Variants in FARSA observed in about 807,000 individuals in gnomAD.
FARSA encodes phenylalanyl-tRNA synthetase subunit alpha.
FARSA carries 37 observed loss-of-function variants against 63.2 expected under a neutral mutation model. The observed-to-expected ratio is 0.59, with a 90% CI of 0.45 to 0.77. The LOEUF (loss-of-function observed/expected upper bound fraction) is 0.77, where lower values mean the gene tolerates loss of function less well. Ranked by LOEUF, FARSA falls within the 30% of genes least tolerant of loss-of-function variation. The pLI is 0.00. For missense variants in FARSA, 618 were observed against 696.6 expected (o/e 0.89, Z 1.27); for synonymous variants, 312 against 285.1 (o/e 1.09, Z -0.95).
intron 12 of FARSA, 150 bp from the exon 13 acceptor site, chr19:12,923,036 C>G: frequency 1.0e-6 from 1 of 967,190 alleles, no homozygotes; most frequent in South Asian, 1.5e-5. Flanking sequence ...CACCTCTCAC[C>G]CTCCGCCTTC....
intron 1 of FARSA, among the ~76,000 whole-genome samples, chr19:12,932,646 A>C (rs541089680): frequency 2.2e-4 from 33 of 152,322 alleles, no homozygotes; most frequent in Non-Finnish European, 4.0e-4. Context: ...TGGATTGGAC[A>C]AACAAGCTGA....
intron 1 of FARSA, among the ~76,000 whole-genome samples, chr19:12,931,349 T>TGCCTCCC (rs1216378005): frequency 6.6e-6 from 1 of 152,036 alleles, no homozygotes; most frequent in African/African-American, 2.4e-5. Context: ...CTGCAACCTC[T>TGCCTCCC]GCCTCCCGGG....
In FARSA at chr19:12,924,453, G is replaced by T; in HGVS notation, c.1269C>A (p.His423Gln). The T allele has an allele frequency of 6.2e-7, 1 of 1,613,224 alleles. No individual in the cohort carries two copies. ...AGTACCAGGGCCTACCCTGACCTTG[G>T]TGGTAGCTGAACACCTCCATGCTGG... ...TEPSMEVFSY[H>Q]QGLKKWVEVG... Residue 423 changes from histidine to glutamine, a missense_variant, in exon 11 of 13, where the codon CAC (histidine) becomes CAA (glutamine). His to Gln is a conservative substitution (Grantham distance 24). Transcript: ENST00000314606. The surrounding 1 kb of genome is among the most constrained non-coding windows in gnomAD (Gnocchi z 6.4).
chr19:12,930,981 G>T (rs1033486138), intron 1 of FARSA, among the ~76,000 whole-genome samples: 2 of 152,108 alleles, frequency 1.3e-5, no homozygotes, highest in Non-Finnish European at 2.9e-5. Context: ...CACCTCCCAG[G>T]GTAAAGTACA....
At chr19:12,926,871 C>T (rs1971333173) in intron 7 of FARSA, among the ~76,000 whole-genome samples, 1 of 152,204 alleles carries the variant, frequency 6.6e-6, no homozygotes, top group African/African-American at 2.4e-5. Flanking sequence ...AAAGGGGTAA[C>T]AGTACTGCTT....
intron 1 of FARSA, among the ~76,000 whole-genome samples, chr19:12,931,356 C>T (rs1022588807): frequency 3.3e-5 from 5 of 152,058 alleles, no homozygotes; most frequent in African/African-American, 7.2e-5. Flanking sequence ...CTCTGCCTCC[C>T]GGGTTCAAAT....
rs1000614335 is a variant in FARSA at position 12,931,303 on chromosome 19, G to A, written c.148-554C>T. 4.6e-5 allele frequency among the ~76,000 whole-genome samples: 7 copies of A among 151,674 alleles called. No individual in the cohort carries two copies. The South Asian group carries it at 6.3e-4, about 14-fold the overall frequency. ...TTTTGAGACGGAGTCTTGCACTGTC[G>A]CTCAGGCTAGAGTGCAATGGTGCGA... On this transcript the variant is annotated intron_variant, in intron 1 of 12. Transcript: ENST00000314606.
intron 4 of FARSA, among the ~76,000 whole-genome samples, chr19:12,929,790 T>G (rs1971369448): frequency 6.6e-6 from 1 of 152,172 alleles, no homozygotes; most frequent in South Asian, 2.1e-4. Context: ...AAGGGGACAT[T>G]TGTCCTGTGA....
chr19:12,928,983 C>G (rs1599652781), intron 4 of FARSA, 136 bp from the exon 5 acceptor site: 2 of 759,182 alleles, frequency 2.6e-6, no homozygotes, highest in East Asian at 2.5e-5. Context: ...TTATCACTAC[C>G]TGAAATCCTC....
intron 4 of FARSA, 85 bp downstream of exon 4, chr19:12,930,138 G>T: frequency 9.3e-7 from 1 of 1,076,220 alleles, no homozygotes; most frequent in Non-Finnish European, 1.4e-6. Flanking sequence ...TGTGCTTGGT[G>T]TGGGCAAGAT....
intron 12 of FARSA, among the ~76,000 whole-genome samples, chr19:12,923,118 T>C (rs1386260500): frequency 6.6e-6 from 1 of 152,152 alleles, no homozygotes; most frequent in African/African-American, 2.4e-5. Context: ...TTGAACTGAC[T>C]GTGACCACTA....
chr19:12,930,092 T>C lies in FARSA; in HGVS notation c.503+131A>G, dbSNP rs1017260602. On this transcript the variant is annotated intron_variant, in intron 4 of 12. Transcript: ENST00000314606. Reference sequence around the variant, plus strand: ...CCAAGGCACGTAGGCTTGACAACTATGGCATTAAGCGAGCTGGGAGGAAAC... The same window carrying C: ...CCAAGGCACGTAGGCTTGACAACTACGGCATTAAGCGAGCTGGGAGGAAAC... 8 of 719,674 alleles carry C rather than the reference T, an allele frequency of 1.1e-5. No homozygotes were observed. The Admixed American group carries it at 1.6e-4, about 14-fold the overall frequency. 44.6% of individuals were successfully genotyped at this position (719,674 alleles called of 1,614,324 possible). A position where few individuals can be genotyped will look rare whatever the true frequency, so the allele number is the denominator to read the frequency against.
intron 1 of FARSA, among the ~76,000 whole-genome samples, chr19:12,931,876 C>T (rs1971400647): frequency 1.3e-5 from 2 of 152,188 alleles, no homozygotes; most frequent in African/African-American, 4.8e-5. Flanking sequence ...CTGCCCTTCA[C>T]TTACTGTGTG....
At chr19:12,931,853 T>C (rs1489668033) in intron 1 of FARSA, among the ~76,000 whole-genome samples, 21 of 152,288 alleles carry the variant, frequency 1.4e-4, no homozygotes, top group Non-Finnish European at 8.8e-5. Context: ...CCCACTTCAT[T>C]CTAATCCCAA....
At position 12,922,562 on chromosome 19, in the gene FARSA, G is replaced by A; in HGVS notation, c.*186C>T. On this transcript the variant is annotated 3_prime_UTR_variant, in exon 13 of 13. Coordinates refer to ENST00000314606, the MANE Select transcript of FARSA (RefSeq NM_004461.3). ...ACCCTCACAGTAGACACACCACACAGGACAACAGAAGGAACCTGCTACCCA... is the reference window on the plus strand; with the variant it reads ...ACCCTCACAGTAGACACACCACACAAGACAACAGAAGGAACCTGCTACCCA... The A allele has an allele frequency of 1.4e-6, 1 of 694,514 alleles. No homozygotes were observed. The highest frequency in any genetic ancestry group is 2.4e-6 in the Non-Finnish European group (1 of 422,634). The allele number at this position is 694,514 out of a possible 1,614,324, so 43.0% of individuals were successfully genotyped here. A position where few individuals can be genotyped will look rare whatever the true frequency, so the allele number is the denominator to read the frequency against.
chr19:12,933,335 C>T (rs1381621833), intron 1 of FARSA: 1 of 575,000 alleles, frequency 1.7e-6, no homozygotes, highest in South Asian at 2.2e-5. Flanking sequence ...CCTCTACCCA[C>T]GCTGACCGTG....
At position 12,933,709 on chromosome 19, in the gene FARSA, T is replaced by A; in HGVS notation, c.-13A>T. 4 of 1,551,490 alleles carry A rather than the reference T, an allele frequency of 2.6e-6. No individual in the cohort carries two copies. The highest frequency in any genetic ancestry group is 3.5e-6 in the Non-Finnish European group (4 of 1,151,282). The stretch of plus-strand genomic sequence containing the variant: ...GACCATCCGCCATGACTCCTTCCAG[T>A]GTGCTCAGCGTGTCCGGGCCCGGGT... On this transcript the variant is annotated 5_prime_UTR_variant, in exon 1 of 13. Transcript: ENST00000314606.
intron 1 of FARSA, among the ~76,000 whole-genome samples, chr19:12,932,109 C>T (rs891478638): frequency 6.8e-6 from 1 of 148,080 alleles, no homozygotes; most frequent in African/African-American, 2.5e-5. Context: ...CGGCTCACTG[C>T]AACCTCCACC....
intron 7 of FARSA, among the ~76,000 whole-genome samples, chr19:12,927,586 G>A (rs896869489): frequency 4.6e-5 from 7 of 151,552 alleles, no homozygotes; most frequent in Non-Finnish European, 8.8e-5. Flanking sequence ...ACAAAAATTA[G>A]CCGAGCGTGG....
Sources: gnomAD v4.1 joint callset for allele counts (sites outside exome capture counted in the v4.1 genomes callset) on GRCh38, gnomAD v4.1.1 for gene constraint, Gnocchi (gnomAD v3.1) non-coding constraint, MANE v1.5 for transcripts, NCBI Gene and HGNC (gene_info 2026-07-23, HGNC 2026-07-21) for gene names.